Variants in XRCC6 observed in about 807,000 individuals in gnomAD.
XRCC6 encodes the protein X-ray repair cross complementing 6, also known as DNA repair protein Ku70.
XRCC6 carries 5 observed loss-of-function variants against 65.7 expected under a neutral mutation model. The observed-to-expected ratio is 0.08, with a 90% confidence interval of 0.04 to 0.16. XRCC6 has a LOEUF of 0.16. XRCC6 is among the 10% of genes least tolerant of loss of function. XRCC6 has a pLI of 1.00. For missense variants in XRCC6, 447 were observed against 738.1 expected (o/e 0.61, Z 4.57); for synonymous variants, 270 against 270.6 (o/e 1.00, Z 0.02).
At chr22:41,642,089 C>A (rs2067884172) in intron 6 of XRCC6, among the ~76,000 whole-genome samples, 1 of 152,170 alleles carries the variant, frequency 6.6e-6, no homozygotes, top group East Asian at 1.9e-4. Context: ...ACTACACTTT[C>A]TTTATCCATT....
chr22:41,625,365 G>A (rs1448347890), intron 2 of XRCC6, among the ~76,000 whole-genome samples: 1 of 151,926 alleles, frequency 6.6e-6, no homozygotes, highest in African/African-American at 2.4e-5. Flanking sequence ...GTGGCTCACG[G>A]CTGTAATCTC....
intron 6 of XRCC6, among the ~76,000 whole-genome samples, chr22:41,644,604 G>A (rs1440081370): frequency 1.3e-5 from 2 of 152,098 alleles, no homozygotes; most frequent in Non-Finnish European, 2.9e-5. Flanking sequence ...TCCTGCCTCA[G>A]CCTCCATAGT....
intron 3 of XRCC6, among the ~76,000 whole-genome samples, chr22:41,628,796 C>T (rs2067706844): frequency 6.6e-6 from 1 of 151,736 alleles, no homozygotes; most frequent in African/African-American, 2.4e-5. Context: ...AACCCTGTCT[C>T]TACTAACAAT....
chr22:41,639,535 T>TG (rs1317541831), intron 6 of XRCC6, among the ~76,000 whole-genome samples: 1 of 151,398 alleles, frequency 6.6e-6, no homozygotes. Flanking sequence ...TTTTGTGAGA[T>TG]GGGGTCTCAC....
chr22:41,644,068 A>G (rs1434311650), intron 6 of XRCC6, among the ~76,000 whole-genome samples: 1 of 151,614 alleles, frequency 6.6e-6, no homozygotes, highest in African/African-American at 2.4e-5. Flanking sequence ...AATCTCTTGA[A>G]CCCGGGAGGC....
chr22:41,621,744 G>C, intron 1 of XRCC6: 1 of 493,692 alleles, frequency 2.0e-6, no homozygotes, highest in South Asian at 2.4e-5. Context: ...GGACCTCCGG[G>C]ATCTGGCTTC....
intron 8 of XRCC6, 95 bp from the exon 9 acceptor site, chr22:41,653,434 C>A (rs1048500020): frequency 1.0e-5 from 12 of 1,162,290 alleles, no homozygotes; most frequent in Non-Finnish European, 6.1e-6. Context: ...TAAAATAAGC[C>A]CTTTAAAGAA....
intron 11 of XRCC6, among the ~76,000 whole-genome samples, chr22:41,661,118 G>C (rs1179026609): frequency 1.3e-5 from 2 of 152,074 alleles, no homozygotes; most frequent in East Asian, 3.9e-4. Flanking sequence ...TAAGTTTAAA[G>C]CATTTACAAC....
intron 2 of XRCC6, among the ~76,000 whole-genome samples, chr22:41,622,548 C>A (rs544745221): frequency 9.2e-5 from 14 of 152,228 alleles, no homozygotes; most frequent in African/African-American, 2.9e-4. Context: ...GCAGGCAACA[C>A]AGTAACACAT....
Position 41,655,383 on chromosome 22 carries a change from T to C in XRCC6, c.1292-1520T>C, listed in dbSNP as rs572417411. 5.9e-5 allele frequency among the ~76,000 whole-genome samples: 9 copies of C among 152,012 alleles called. No homozygotes were observed. The East Asian group carries it at 1.7e-3, about 29-fold the overall frequency. ...AGATACATGGTAAGAAGGAATCTTC[T>C]ATCCACAAAATTGTTAAGAAGGAAA... On this transcript the variant is annotated intron_variant, in intron 9 of 12. Coordinates refer to ENST00000360079, the MANE Select transcript of XRCC6 (RefSeq NM_001469.5).
At chr22:41,645,070 G>C (rs2067917499) in intron 6 of XRCC6, among the ~76,000 whole-genome samples, 1 of 151,800 alleles carries the variant, frequency 6.6e-6, no homozygotes, top group South Asian at 2.1e-4. Flanking sequence ...GGAGGCCGAG[G>C]CGGGCGGATC....
At chr22:41,643,410 A>G (rs1265230992) in intron 6 of XRCC6, among the ~76,000 whole-genome samples, 1 of 152,030 alleles carries the variant, frequency 6.6e-6, no homozygotes, top group Non-Finnish European at 1.5e-5. Flanking sequence ...CTCCATCTCA[A>G]AAACAAAAGA....
At position 41,663,428 on chromosome 22, in the gene XRCC6, GT is replaced by G. The variant is rs1448979450; in HGVS notation, c.1637-193del. ...CACTACTTGTAATTTCCTCCTAGGT[GT>G]GATCTGTGTTTTATTTTGCACTTTA... is the stretch of plus-strand genomic sequence containing the variant. On this transcript the variant is annotated intron_variant, in intron 12 of 12. Transcript: ENST00000360079. Among the ~76,000 whole-genome samples the G allele has an allele frequency of 5.0e-4, 76 of 152,312 alleles. 1 individual carries two copies. Among genetic ancestry groups the G allele is most frequent in the African/African-American group, 1.6e-3 (68 of 41,580 alleles).
chr22:41,650,667 T>C lies in XRCC6; in HGVS notation c.961-56T>C, dbSNP rs1414784799. On this transcript the variant is annotated intron_variant, in intron 7 of 12. Transcript: ENST00000360079. Reference sequence around the variant, plus strand: ...CTTGCTAGTGTCATCATCTTCGAGTTATTTTGCATCTCCTCGTAGCCTTCC... The same window carrying C: ...CTTGCTAGTGTCATCATCTTCGAGTCATTTTGCATCTCCTCGTAGCCTTCC... The C allele has an allele frequency of 1.9e-6, 3 of 1,571,432 alleles. No homozygotes were observed. In the African/African-American group the frequency reaches 4.1e-5, roughly 21 times the overall value.
In XRCC6 at chr22:41,661,400, C is replaced by G. The variant is rs775639157; in HGVS notation, c.1592C>G (p.Pro531Arg). The change falls in exon 12 of 13, where the codon CCA (proline) becomes CGA (arginine). Residue 531 changes from proline to arginine, a missense_variant. This residue lies in a region of XRCC6 where 201 missense variants were observed against 374.1 expected (regional missense o/e 0.54). Coordinates refer to ENST00000360079, the MANE Select transcript of XRCC6 (RefSeq NM_001469.5). ...GATGAGTTTAAGGAGCTTGTTTACC[C>G]ACCAGATTACAATCCTGAAGGGAAA... is the stretch of plus-strand genomic sequence containing the variant. The part of the protein sequence containing the change: ...LVDEFKELVY[P>R]PDYNPEGKVT... 1 of 1,614,092 alleles carries G rather than the reference C, an allele frequency of 6.2e-7. No homozygotes were observed. The highest frequency in any genetic ancestry group is 8.5e-7 in the Non-Finnish European group (1 of 1,180,000).
intron 6 of XRCC6, among the ~76,000 whole-genome samples, chr22:41,639,314 T>C (rs1024552500): frequency 2.8e-5 from 4 of 145,212 alleles, no homozygotes; most frequent in African/African-American, 1.0e-4. Context: ...GGAACCAGAT[T>C]GCTAGATTCT....
intron 9 of XRCC6, among the ~76,000 whole-genome samples, chr22:41,656,056 T>G (rs1364820494): frequency 6.7e-6 from 1 of 148,904 alleles, no homozygotes; most frequent in Non-Finnish European, 1.5e-5. Context: ...ATGGTGAAAC[T>G]CTGTCTCTGC....
intron 3 of XRCC6, 24 bp from the exon 4 acceptor site, chr22:41,636,089 T>C (rs1410939884): frequency 6.4e-7 from 1 of 1,561,724 alleles, no homozygotes; most frequent in Middle Eastern, 2.4e-4. Flanking sequence ...GGTAAGTAAA[T>C]ATTAATTGAA....
chr22:41,626,598 G>T (rs1184332631), intron 2 of XRCC6, among the ~76,000 whole-genome samples: 2 of 151,366 alleles, frequency 1.3e-5, no homozygotes, highest in African/African-American at 4.9e-5. Flanking sequence ...GGGATTACAG[G>T]TGGGCACCAC....
Sources: gnomAD v4.1 joint callset for allele counts (sites outside exome capture counted in the v4.1 genomes callset) on GRCh38, gnomAD v4.1.1 for gene constraint, gnomAD v4.1.1 regional missense constraint, MANE v1.5 for transcripts, NCBI Gene and HGNC (gene_info 2026-07-23, HGNC 2026-07-21) for gene names.